NPAS3: variants seen among roughly 807,000 people sequenced by gnomAD.
The protein encoded by NPAS3 is neuronal PAS domain protein 3.
In NPAS3, 14 loss-of-function variants were observed where a neutral mutation model predicts 73.1. The ratio of observed to expected loss-of-function variants is 0.19; its 90% CI spans 0.13 to 0.30. The LOEUF (loss-of-function observed/expected upper bound fraction) is 0.30. NPAS3 is among the 10% of genes least tolerant of loss of function. The pLI is 1.00. For missense variants in NPAS3, 1,096 were observed against 1,250.0 expected (o/e 0.88, Z 1.86); for synonymous variants, 620 against 541.5 (o/e 1.14, Z -2.01).
chr14:33,307,613 T>TGTGTA (rs763634896), intron 3 of NPAS3, among the ~76,000 whole-genome samples: 93 of 44,186 alleles, frequency 2.1e-3, no homozygotes, highest in East Asian at 9.7e-3. Context: ...GTGTGTGTGT[T>TGTGTA]CGTGTGCGTG....
At chr14:33,448,974 A>G (rs1308427139) in intron 4 of NPAS3, among the ~76,000 whole-genome samples, 3 of 152,202 alleles carry the variant, frequency 2.0e-5, no homozygotes, top group African/African-American at 4.8e-5. Context: ...ATAATTAGCA[A>G]TGGAAATGGA....
intron 1 of NPAS3, among the ~76,000 whole-genome samples, chr14:32,970,636 C>T (rs188870969): frequency 9.9e-5 from 15 of 152,242 alleles, no homozygotes; most frequent in Admixed American, 7.8e-4. Flanking sequence ...ATCAAGGTGT[C>T]GGGATCATTA....
At chr14:33,194,612 C>T (rs2046285118) in intron 2 of NPAS3, among the ~76,000 whole-genome samples, 1 of 152,040 alleles carries the variant, frequency 6.6e-6, no homozygotes, top group East Asian at 1.9e-4. Flanking sequence ...TACACTGGTA[C>T]CTGCTTATGT....
chr14:33,177,306 C>G (rs941315792), intron 2 of NPAS3, among the ~76,000 whole-genome samples: 1 of 151,806 alleles, frequency 6.6e-6, no homozygotes, highest in Non-Finnish European at 1.5e-5. Flanking sequence ...CCATGTTGGC[C>G]AGGATGGTCT....
At chr14:33,728,608 G>A (rs1416744801) in intron 6 of NPAS3, among the ~76,000 whole-genome samples, 1 of 152,160 alleles carries the variant, frequency 6.6e-6, no homozygotes, top group Non-Finnish European at 1.5e-5. Flanking sequence ...GAAAATGGAA[G>A]GCACTGCCTC....
intron 8 of NPAS3, among the ~76,000 whole-genome samples, chr14:33,777,896 A>G (rs1224145495): frequency 6.6e-6 from 1 of 152,204 alleles, no homozygotes; most frequent in African/African-American, 2.4e-5. Context: ...CAGGAGTGAA[A>G]GCCGAGCTCC....
Position 33,722,524 on chromosome 14 carries a change from T to C in NPAS3, c.734-12690T>C, listed in dbSNP as rs373631613. Among the ~76,000 whole-genome samples the C allele has an allele frequency of 1.7e-3, 252 of 152,312 alleles. 1 individual carries two copies. The highest frequency in any genetic ancestry group is 5.6e-3 in the African/African-American group (231 of 41,586). ...GATATGGAAATGATGCCTACACATA[T>C]AGTAGCTGACCAAGGTTATAATGAT... On this transcript the variant is annotated intron_variant, in intron 6 of 11. Transcript: ENST00000356141.
intron 4 of NPAS3, among the ~76,000 whole-genome samples, chr14:33,448,752 G>T (rs940193785): frequency 6.6e-6 from 1 of 152,138 alleles, no homozygotes; most frequent in African/African-American, 2.4e-5. Flanking sequence ...CTGAGACAAG[G>T]ATGAAACGTT....
At chr14:33,486,245 A>G (rs1266366435) in intron 4 of NPAS3, among the ~76,000 whole-genome samples, 3 of 152,022 alleles carry the variant, frequency 2.0e-5, no homozygotes, top group African/African-American at 7.2e-5. Context: ...ACGGCGGCCA[A>G]TTGTGATAAC....
chr14:33,293,048 C>T (rs956753071), intron 3 of NPAS3, among the ~76,000 whole-genome samples: 2 of 152,128 alleles, frequency 1.3e-5, no homozygotes, highest in South Asian at 2.1e-4. Context: ...TAGGAGCTCT[C>T]GTGACCCATC....
Position 33,729,748 on chromosome 14 carries a change from G to A in NPAS3, c.734-5466G>A, listed in dbSNP as rs948395056. On this transcript the variant is annotated intron_variant, in intron 6 of 11. Coordinates refer to ENST00000356141, the Ensembl canonical transcript of NPAS3. The stretch of plus-strand genomic sequence containing the variant: ...GCTGCTGTGCTAATCACACACCATC[G>A]ATTCCACCATATGCTCATTATTAAA... Among the ~76,000 whole-genome samples, 11 of 152,038 alleles carry A rather than the reference G, an allele frequency of 7.2e-5. No individual in the cohort carries two copies. The South Asian group carries it at 1.2e-3, about 17-fold the overall frequency.
At chr14:33,062,607 T>C (rs1248188915) in intron 2 of NPAS3, among the ~76,000 whole-genome samples, 1 of 152,238 alleles carries the variant, frequency 6.6e-6, no homozygotes. Context: ...ACTACCTAGA[T>C]TTTAAAAAAT....
intron 1 of NPAS3, among the ~76,000 whole-genome samples, chr14:33,028,867 G>A (rs186316596): frequency 5.3e-5 from 8 of 152,194 alleles, no homozygotes; most frequent in East Asian, 1.9e-4. Flanking sequence ...TGTAGGATGC[G>A]CAGGTTTGTT....
intron 3 of NPAS3, among the ~76,000 whole-genome samples, chr14:33,304,017 C>G (rs772655473): frequency 1.3e-5 from 2 of 152,224 alleles, no homozygotes; most frequent in Non-Finnish European, 2.9e-5. Context: ...ACGCCATTCT[C>G]CTGCCTCAGC....
intron 6 of NPAS3, among the ~76,000 whole-genome samples, chr14:33,727,680 A>G (rs942865874): frequency 2.0e-5 from 3 of 152,046 alleles, no homozygotes; most frequent in Non-Finnish European, 2.9e-5. Context: ...AAAGCCCTCA[A>G]TGTTATTGAC....
At chr14:33,111,493 T>G (rs17100153) in intron 2 of NPAS3, among the ~76,000 whole-genome samples, 16,049 of 152,146 alleles carry the variant, frequency 0.11, 1,403 homozygotes, top group African/African-American at 0.23. Flanking sequence ...ACCAACTCAC[T>G]TTATAATTTA....
intron 5 of NPAS3, among the ~76,000 whole-genome samples, chr14:33,656,559 A>G (rs568454158): frequency 6.6e-6 from 1 of 152,156 alleles, no homozygotes; most frequent in South Asian, 2.1e-4. Context: ...ACACAGACTG[A>G]TTTCTTCTTT....
In NPAS3 at chr14:33,064,202, C is replaced by T. The variant is rs988115696; in HGVS notation, c.140+8208C>T. Among the ~76,000 whole-genome samples, 3 of 151,984 alleles carry T rather than the reference C, an allele frequency of 2.0e-5. No individual in the cohort carries two copies. The South Asian group carries it at 6.2e-4, about 32-fold the overall frequency. The stretch of plus-strand genomic sequence containing the variant: ...AGTATAATTTTCCTTATGAAAAATA[C>T]ATATTATCAAAAAAACTTACAGTAT... On this transcript the variant is annotated intron_variant, in intron 2 of 11. Transcript: ENST00000356141.
chr14:33,744,388 A>C (rs1222558044), intron 7 of NPAS3, among the ~76,000 whole-genome samples: 1 of 152,190 alleles, frequency 6.6e-6, no homozygotes, highest in Non-Finnish European at 1.5e-5. Flanking sequence ...AACATTTATC[A>C]ATTAAGTTCA....
Sources: gnomAD v4.1 joint callset for allele counts (sites outside exome capture counted in the v4.1 genomes callset) on GRCh38, gnomAD v4.1.1 for gene constraint, MANE v1.5 for transcripts, NCBI Gene and HGNC (gene_info 2026-07-23, HGNC 2026-07-21) for gene names.